Variants in ZNF678 observed in about 807,000 individuals in gnomAD.
ZNF678 encodes the protein zinc finger protein 678.
In ZNF678, 5 loss-of-function variants were observed where a neutral mutation model predicts 3.0. The ratio of observed to expected loss-of-function variants is 1.69; its 90% CI spans 0.88 to 3.56. The LOEUF (loss-of-function observed/expected upper bound fraction) is 3.56. Ranked by LOEUF, ZNF678 falls within the 30% of genes most tolerant of loss-of-function variation. ZNF678 has a pLI of 0.00. For missense variants in ZNF678, 593 were observed against 605.0 expected, an observed-to-expected ratio of 0.98 and a Z score of 0.21; for synonymous variants, 218 against 199.6, an observed-to-expected ratio of 1.09 and a Z score of -0.78.
Position 227,655,679 on chromosome 1 carries a change from A to C in ZNF678, c.1429A>C (p.Thr477Pro), listed in dbSNP as rs779302216. 2.5e-6 allele frequency: 4 copies of C among 1,612,656 alleles called. No individual in the cohort carries two copies. The African/African-American group carries it at 5.3e-5, about 22-fold the overall frequency. Residue 477 changes from threonine (T) to proline (P), a missense_variant, in exon 4 of 4, where the codon ACT becomes CCT. Coordinates refer to ENST00000343776, the MANE Select transcript of ZNF678 (RefSeq NM_001367909.1). ...AGCCTTTAACCAGTTCTCAAGCCTT[A>C]CTCGTCATAAAAGAATTCATACTGG... Reference protein sequence around the residue: ...GKAFNQFSSLTRHKRIHTGEK... With the variant: ...GKAFNQFSSLPRHKRIHTGEK...
intron 1 of ZNF678, among the ~76,000 whole-genome samples, chr1:227,573,335 A>G (rs184907968): frequency 6.6e-6 from 1 of 152,390 alleles, no homozygotes; most frequent in Non-Finnish European, 1.5e-5. Context: ...TCAAATAATG[A>G]AAGTAGCACT....
At chr1:227,665,138 A>G (rs1254575099), downstream of ZNF678, among the ~76,000 whole-genome samples, 8 of 152,216 alleles carry the variant, frequency 5.3e-5, no homozygotes, top group African/African-American at 1.9e-4. Context: ...AAGATAAAGC[A>G]CAAATTTAGA....
intron 5 of ZNF678, among the ~76,000 whole-genome samples, chr1:227,675,350 C>T (rs1321451885): frequency 6.6e-6 from 1 of 152,156 alleles, no homozygotes; most frequent in Non-Finnish European, 1.5e-5. Context: ...GACTTCAGAA[C>T]TGTGGGAAAG....
chr1:227,580,847 T>G (rs1412464980), intron 1 of ZNF678, among the ~76,000 whole-genome samples: 1 of 151,982 alleles, frequency 6.6e-6, no homozygotes, highest in Non-Finnish European at 1.5e-5. Flanking sequence ...GGAGAATTGC[T>G]TGAACTTGGG....
At chr1:227,606,823 C>T (rs909227176) in intron 1 of ZNF678, among the ~76,000 whole-genome samples, 5 of 152,180 alleles carry the variant, frequency 3.3e-5, no homozygotes, top group African/African-American at 1.2e-4. Flanking sequence ...TAACAAGGCA[C>T]ACCCTGCACA....
At chr1:227,670,553 G>A (rs1659582343) in intron 5 of ZNF678, among the ~76,000 whole-genome samples, 1 of 152,166 alleles carries the variant, frequency 6.6e-6, no homozygotes, top group South Asian at 2.1e-4. Flanking sequence ...CCTCCCAGGA[G>A]CTCAGCTTTT....
intron 1 of ZNF678, among the ~76,000 whole-genome samples, 165 bp downstream of exon 1, chr1:227,563,889 C>T (rs1330314650): frequency 1.3e-5 from 2 of 152,228 alleles, no homozygotes; most frequent in Non-Finnish European, 2.9e-5. Flanking sequence ...TGCGCCGCGG[C>T]TTCCGCCCCG....
intron 1 of ZNF678, among the ~76,000 whole-genome samples, chr1:227,586,281 T>G (rs1443592128): frequency 6.6e-6 from 1 of 152,198 alleles, no homozygotes; most frequent in Non-Finnish European, 1.5e-5. Context: ...ACTAATGAAT[T>G]AACAGAAACT....
At chr1:227,626,630 C>T (rs186976676) in intron 1 of ZNF678, among the ~76,000 whole-genome samples, 1 of 152,172 alleles carries the variant, frequency 6.6e-6, no homozygotes, top group Admixed American at 6.5e-5. Context: ...GGCTGAGTCC[C>T]GCTTTTTGGG....
At chr1:227,664,349 C>G (rs966264081), downstream of ZNF678, among the ~76,000 whole-genome samples, 14 of 152,138 alleles carry the variant, frequency 9.2e-5, no homozygotes, top group Admixed American at 1.3e-4. Context: ...ACCTGACCAT[C>G]TCACTAAGGC....
chr1:227,563,720 A>G lies in ZNF678; in HGVS notation c.-168A>G, dbSNP rs1007105570. On this transcript the variant is annotated 5_prime_UTR_variant, in exon 1 of 4. Transcript: ENST00000343776. ...ATGCCAGGACACCCCGAAAGCCGGA[A>G]AACGGTGAGAGTTCCCGGGAGGGTG... The G allele has an allele frequency of 1.1e-5, 15 of 1,328,268 alleles. No individual in the cohort carries two copies. The highest frequency in any genetic ancestry group is 3.0e-5 in the African/African-American group (2 of 66,868). 82.3% of individuals were successfully genotyped at this position (1,328,268 alleles called of 1,614,324 possible). A position where few individuals can be genotyped will look rare whatever the true frequency, so the allele number is the denominator to read the frequency against.
downstream of ZNF678, among the ~76,000 whole-genome samples, chr1:227,664,044 AG>A (rs1168902577): frequency 2.0e-5 from 3 of 152,214 alleles, no homozygotes; most frequent in Non-Finnish European, 2.9e-5. Flanking sequence ...AGCTAGGCCA[AG>A]AGGCATCAGT....
chr1:227,587,433 T>C (rs924924130), intron 1 of ZNF678, among the ~76,000 whole-genome samples: 4 of 152,194 alleles, frequency 2.6e-5, no homozygotes, highest in Non-Finnish European at 4.4e-5. Context: ...TTTCTGTACT[T>C]TCAGAGTCTT....
At chr1:227,649,209 G>A (rs1282138681) in intron 2 of ZNF678, among the ~76,000 whole-genome samples, 1 of 152,062 alleles carries the variant, frequency 6.6e-6, no homozygotes, top group Non-Finnish European at 1.5e-5. Context: ...CATTTCCTTT[G>A]GTTATATACA....
chr1:227,632,366 G>A (rs190590896), intron 1 of ZNF678, among the ~76,000 whole-genome samples: 2 of 152,250 alleles, frequency 1.3e-5, no homozygotes, highest in Non-Finnish European at 2.9e-5. Context: ...GAATTTTGGG[G>A]CTACGCTTTC....
chr1:227,625,240 C>T (rs12079123), intron 1 of ZNF678, among the ~76,000 whole-genome samples: 70,905 of 151,960 alleles, frequency 0.47, 17,395 homozygotes, highest in African/African-American at 0.62. Flanking sequence ...AGGAATTCTT[C>T]GTCGGCCTAG....
At position 227,648,283 on chromosome 1, in the gene ZNF678, C is replaced by T. The variant is rs190753846; in HGVS notation, c.-37+1613C>T. On this transcript the variant is annotated intron_variant, in intron 2 of 3. Coordinates refer to ENST00000343776, the MANE Select transcript of ZNF678 (RefSeq NM_001367909.1). ...TGTATTTTAAATTTGTTTTTATTTA[C>T]TATAAAGCTTACTGGGGCATACACA... Among the ~76,000 whole-genome samples, 611 of 152,164 alleles carry T rather than the reference C, an allele frequency of 4.0e-3. 5 individuals carry two copies. Among genetic ancestry groups the T allele is most frequent in the African/African-American group, 0.014 (561 of 41,526 alleles).
At chr1:227,580,911 C>T (rs1017292475) in intron 1 of ZNF678, among the ~76,000 whole-genome samples, 20 of 145,546 alleles carry the variant, frequency 1.4e-4, no homozygotes, top group Non-Finnish European at 2.4e-4. Context: ...GCCTCAAGAA[C>T]GAAACTCCCT....
chr1:227,586,369 A>G (rs1041796126), intron 1 of ZNF678, among the ~76,000 whole-genome samples: 4 of 152,196 alleles, frequency 2.6e-5, no homozygotes, highest in African/African-American at 9.6e-5. Flanking sequence ...TAAAAGCCTA[A>G]AGAAAAATGA....
Sources: allele counts gnomAD v4.1 joint callset (sites outside exome capture counted in the v4.1 genomes callset), GRCh38; gene constraint gnomAD v4.1.1; transcripts MANE v1.5; gene names NCBI Gene and HGNC (gene_info 2026-07-23, HGNC 2026-07-21).